Variants in LIG1 observed in about 807,000 individuals in gnomAD.
LIG1 encodes the protein DNA ligase 1, also known as ligase I, DNA, ATP-dependent.
Under a neutral mutation model 115.7 loss-of-function variants are expected in LIG1, and 70 were observed. That is an observed-to-expected ratio of 0.60 (90% confidence interval 0.50 to 0.74). The LOEUF (loss-of-function observed/expected upper bound fraction) is 0.74, where lower values mean the gene tolerates loss of function less well. Among genes scored for constraint, LIG1 ranks in the 30% least tolerant of loss-of-function variants. The probability of loss-of-function intolerance (pLI) is 0.00; values close to 1 mark genes in which losing one functional copy is unlikely to be tolerated. For missense variants in LIG1, 1,115 were observed against 1,225.6 expected, an observed-to-expected ratio of 0.91 and a Z score of 1.35; for synonymous variants, 487 against 495.3, an observed-to-expected ratio of 0.98 and a Z score of 0.22.
intron 4 of LIG1, among the ~76,000 whole-genome samples, chr19:48,159,362 GCC>G (rs2036041729): frequency 6.6e-6 from 1 of 152,044 alleles, no homozygotes; most frequent in Non-Finnish European, 1.5e-5. Context: ...GAGCCATCAT[GCC>G]TGGCCAGATG....
intron 1 of LIG1, 68 bp from the exon 2 acceptor site, chr19:48,165,691 C>A: frequency 9.2e-7 from 1 of 1,084,164 alleles, no homozygotes. Context: ...ACATAAAACC[C>A]TTTCTTTAAG....
chr19:48,157,544 TTTTA>T (rs766203249), intron 4 of LIG1, among the ~76,000 whole-genome samples: 4 of 152,124 alleles, frequency 2.6e-5, no homozygotes, highest in Admixed American at 6.6e-5. Context: ...ATAGTTTTAT[TTTTA>T]TTTATTTATT....
At chr19:48,157,371 C>G (rs1048379900) in intron 4 of LIG1, among the ~76,000 whole-genome samples, 2 of 152,066 alleles carry the variant, frequency 1.3e-5, no homozygotes, top group African/African-American at 4.8e-5. Context: ...TCTACAGTAA[C>G]AGAATCTTCG....
In LIG1 at chr19:48,127,295, G is replaced by A; in HGVS notation, c.1986C>T (p.Leu662=). The A allele has an allele frequency of 6.2e-7, 1 of 1,613,896 alleles. No individual in the cohort carries two copies. The highest frequency in any genetic ancestry group is 8.5e-7 in the Non-Finnish European group (1 of 1,179,982). ...QVQVCLYAFD[L]IYLNGESLVR... ...AACTCACCTCTCCATTGAGGTAGATGAGGTCGAAGGCGTACAAACACACCT... is the reference window on the plus strand; with the variant it reads ...AACTCACCTCTCCATTGAGGTAGATAAGGTCGAAGGCGTACAAACACACCT... Residue 662 remains leucine (L), a synonymous_variant, in exon 21 of 28, where the codon CTC becomes CTT. Coordinates refer to ENST00000263274, the MANE Select transcript of LIG1 (RefSeq NM_000234.3).
chr19:48,136,251 G>A, intron 14 of LIG1, 126 bp from the exon 15 acceptor site: 2 of 693,902 alleles, frequency 2.9e-6, no homozygotes, highest in South Asian at 1.7e-5. Context: ...AGAATCTTCA[G>A]AGCCTGGAAG....
chr19:48,143,849 G>A (rs199689863), intron 10 of LIG1, 34 bp downstream of exon 10: 107 of 1,566,246 alleles, frequency 6.8e-5, no homozygotes, highest in African/African-American at 2.7e-4. Flanking sequence ...AACAGGGACC[G>A]GAGGGGGACA....
intron 6 of LIG1, among the ~76,000 whole-genome samples, chr19:48,152,525 G>A (rs1427127984): frequency 6.6e-6 from 1 of 152,136 alleles, no homozygotes; most frequent in African/African-American, 2.4e-5. Flanking sequence ...TGCAATTGGT[G>A]TAATCTCATG....
chr19:48,169,721 C>G (rs2036674156), intron 1 of LIG1: 1 of 153,918 alleles, frequency 6.5e-6, no homozygotes, highest in South Asian at 1.7e-4. Flanking sequence ...CCAGGTGGCC[C>G]CCGCCCCCTC....
chr19:48,140,178 C>T (rs2122677906), intron 11 of LIG1, 35 bp from the exon 12 acceptor site: 1 of 1,597,954 alleles, frequency 6.3e-7, no homozygotes, highest in East Asian at 2.2e-5. Context: ...ACACGTGGTT[C>T]CTCAAGGTCA....
At chr19:48,166,330 G>A (rs1405319523) in intron 1 of LIG1, among the ~76,000 whole-genome samples, 1 of 152,202 alleles carries the variant, frequency 6.6e-6, no homozygotes, top group Non-Finnish European at 1.5e-5. Flanking sequence ...CCGGGAGGTA[G>A]AGGCTGCAGT....
At chr19:48,140,857 A>T (rs1045723392) in intron 11 of LIG1, among the ~76,000 whole-genome samples, 3 of 152,120 alleles carry the variant, frequency 2.0e-5, no homozygotes, top group Non-Finnish European at 4.4e-5. Flanking sequence ...TTATCTTTAA[A>T]AACTCTGCTC....
rs796327219 is a variant in LIG1, at chr19:48,126,121, A to C, written c.2004+1156T>G. ...TAGCCCTCACCCTAACAGATAAAGC[A>C]CCTGCCACTGTTAGCTCCTTACTGT... On this transcript the variant is annotated intron_variant, in intron 21 of 27. Transcript: ENST00000263274. 5.9e-4 allele frequency among the ~76,000 whole-genome samples: 90 copies of C among 151,962 alleles called. 1 individual carries two copies. The South Asian group carries it at 0.012, about 20-fold the overall frequency.
rs552632057 is a variant in LIG1 at position 48,151,101 on chromosome 19, A to C, written c.574+131T>G. The C allele has an allele frequency of 1.2e-5, 8 of 643,924 alleles. No individual in the cohort carries two copies. In the South Asian group the frequency reaches 1.4e-4, roughly 11 times the overall value. 39.9% of individuals were successfully genotyped at this position (643,924 alleles called of 1,614,324 possible). A position where few individuals can be genotyped will look rare whatever the true frequency, so the allele number is the denominator to read the frequency against. On this transcript the variant is annotated intron_variant, in intron 7 of 27. Transcript: ENST00000263274. ...AAAAACCCGAGTAATAAAAACTATT[A>C]TTCTTCTAGATTCGGCATTTAAGCA...
intron 1 of LIG1, among the ~76,000 whole-genome samples, chr19:48,168,094 C>T (rs916768196): frequency 1.2e-4 from 19 of 152,152 alleles, no homozygotes; most frequent in African/African-American, 4.6e-4. Flanking sequence ...AACTAAGGCA[C>T]AGAGGGGTTT....
In LIG1 at chr19:48,143,619, G is replaced by A. The variant is rs983770358; in HGVS notation, c.858-20C>T. On this transcript the variant is annotated intron_variant, in intron 10 of 27. Coordinates refer to ENST00000263274, the MANE Select transcript of LIG1 (RefSeq NM_000234.3). ...GGAACCCTAGGGAAGGAAAAGAGACGCAAGAGTGACAGTGGTGCAGGCTAT... is the reference window on the plus strand; with the variant it reads ...GGAACCCTAGGGAAGGAAAAGAGACACAAGAGTGACAGTGGTGCAGGCTAT... The A allele has an allele frequency of 6.2e-6, 10 of 1,606,558 alleles. No individual in the cohort carries two copies. The highest frequency in any genetic ancestry group is 3.3e-5 in the South Asian group (3 of 90,918).
rs1442670327 is a variant in LIG1 at position 48,115,715 on chromosome 19, C to G, written c.2694G>C (p.Arg898=). ...TTSAQVACLY[R]KQSQIQNQQG... ...GTTGGTTCTGAATCTGACTTTGCTT[C>G]CGGTACAAACAGGCCACCTGCGGAG... The change falls in exon 28 of 28, where the codon CGG becomes CGC. Residue 898 remains arginine, a synonymous_variant. Transcript: ENST00000263274. 1.9e-6 allele frequency: 3 copies of G among 1,614,036 alleles called. No homozygotes were observed. The highest frequency in any genetic ancestry group is 2.5e-6 in the Non-Finnish European group (3 of 1,179,976).
chr19:48,116,020 G>A, intron 26 of LIG1, 55 bp from the exon 27 acceptor site: 1 of 1,290,130 alleles, frequency 7.8e-7, no homozygotes. Flanking sequence ...CCCCTGCTCA[G>A]TCTCCTCCCT....
At position 48,117,771 on chromosome 19, in the gene LIG1, A is replaced by G; in HGVS notation, c.2450T>C (p.Leu817Pro). Residue 817 changes from leucine (L) to proline (P), a missense_variant, in exon 26 of 28, where the codon CTG becomes CCG. By Grantham distance (98) the Leu-to-Pro change is moderately conservative. Transcript: ENST00000263274. ...EHHQSLKALV[L>P]PSPRPYVRID... ...CCGCACGTAAGGGCGTGGGCTGGGC[A>G]GCACCAGCGCCTGCAGTGAGCAGAG... 1 of 1,612,694 alleles carries G rather than the reference A, an allele frequency of 6.2e-7. No homozygotes were observed. The highest frequency in any genetic ancestry group is 8.5e-7 in the Non-Finnish European group (1 of 1,179,552).
Position 48,115,743 on chromosome 19 carries a change from A to G in LIG1, c.2677-11T>C, listed in dbSNP as rs2122237256. On this transcript the variant is annotated splice_polypyrimidine_tract_variant and intron_variant, in intron 27 of 27. Transcript: ENST00000263274. ...GTACAAACAGGCCACCTGCGGAGAGAGGGTGGGACGGGGTGGTCAGAAGCT... is the reference window on the plus strand; with the variant it reads ...GTACAAACAGGCCACCTGCGGAGAGGGGGTGGGACGGGGTGGTCAGAAGCT... 2.5e-6 allele frequency: 4 copies of G among 1,609,718 alleles called. No homozygotes were observed. In the East Asian group the frequency reaches 8.9e-5, roughly 36 times the overall value.
Sources: allele counts gnomAD v4.1 joint callset (sites outside exome capture counted in the v4.1 genomes callset), GRCh38; gene constraint gnomAD v4.1.1; transcripts MANE v1.5; gene names NCBI Gene and HGNC (gene_info 2026-07-23, HGNC 2026-07-21).